PELI2: variants seen among roughly 807,000 people sequenced by gnomAD.
PELI2 encodes the protein E3 ubiquitin-protein ligase pellino homolog 2.
PELI2 carries 23 observed loss-of-function variants against 42.3 expected under a neutral mutation model. The observed-to-expected ratio is 0.54, with a 90% CI of 0.39 to 0.77. The LOEUF is 0.77. Ranked by LOEUF, PELI2 falls within the 30% of genes least tolerant of loss-of-function variation. PELI2 has a pLI of 0.00. For missense variants in PELI2, 463 were observed against 553.2 expected (o/e 0.84, Z 1.64); for synonymous variants, 245 against 212.2 (o/e 1.15, Z -1.34).
intron 1 of PELI2, among the ~76,000 whole-genome samples, chr14:56,161,326 T>A (rs1884758386): frequency 6.6e-6 from 1 of 152,068 alleles, no homozygotes; most frequent in South Asian, 2.1e-4. Context: ...GTGGTTGTTT[T>A]TGAAACAGTC....
rs1884397246 is a variant in PELI2, at chr14:56,152,449, G to A, written c.78-25886G>A. ...GGAAGATGGGAGGATGAGTATTGAG[G>A]GACAATTAACAGTCTGTTTATGAGA... On this transcript the variant is annotated intron_variant, in intron 1 of 5. Coordinates refer to ENST00000267460, the MANE Select transcript of PELI2 (RefSeq NM_021255.3). Among the ~76,000 whole-genome samples, 3 of 152,072 alleles carry A rather than the reference G, an allele frequency of 2.0e-5. No individual in the cohort carries two copies. In the South Asian group the frequency reaches 6.2e-4, roughly 32 times the overall value.
intron 1 of PELI2, among the ~76,000 whole-genome samples, chr14:56,126,003 C>T (rs2139578937): frequency 6.6e-6 from 1 of 152,340 alleles, no homozygotes; most frequent in Non-Finnish European, 1.5e-5. Flanking sequence ...GTTTTGTAAA[C>T]AATCCTACCA....
At chr14:56,227,617 T>G (rs1311882902) in intron 2 of PELI2, among the ~76,000 whole-genome samples, 1 of 124,834 alleles carries the variant, frequency 8.0e-6, no homozygotes, top group Non-Finnish European at 1.9e-5. Flanking sequence ...TAGACTTACA[T>G]GTAGTCTCTA....
Position 56,160,753 on chromosome 14 carries a change from G to A in PELI2, c.78-17582G>A, listed in dbSNP as rs144288791. Among the ~76,000 whole-genome samples, 232 of 152,288 alleles carry A rather than the reference G, an allele frequency of 1.5e-3. 1 individual carries two copies. The highest frequency in any genetic ancestry group is 5.4e-3 in the African/African-American group (224 of 41,538). ...AGTTGGATGAAACGCCTCCTGTATT[G>A]ATACTGAATTGAAATGTTTGAAAGA... On this transcript the variant is annotated intron_variant, in intron 1 of 5. Coordinates refer to ENST00000267460, the MANE Select transcript of PELI2 (RefSeq NM_021255.3).
Position 56,297,196 on chromosome 14 carries a change from A to C in PELI2, c.*30A>C. On this transcript the variant is annotated 3_prime_UTR_variant, in exon 6 of 6. Coordinates refer to ENST00000267460, the MANE Select transcript of PELI2 (RefSeq NM_021255.3). The stretch of plus-strand genomic sequence containing the variant: ...CTTGACAGCCATCTACGACTTTATT[A>C]ACAGGTTACTGTGAAGATTTTGCCA... The C allele has an allele frequency of 1.3e-6, 2 of 1,490,740 alleles. No homozygotes were observed. Among genetic ancestry groups the C allele is most frequent in the Non-Finnish European group, 1.8e-6 (2 of 1,093,062 alleles). 92.3% of individuals were successfully genotyped at this position (1,490,740 alleles called of 1,614,324 possible).
At chr14:56,284,607 A>G (rs1315399278) in intron 3 of PELI2, among the ~76,000 whole-genome samples, 1 of 143,838 alleles carries the variant, frequency 7.0e-6, no homozygotes, top group Non-Finnish European at 1.6e-5. Context: ...GATAACATTT[A>G]ATTAGTATCT....
chr14:56,268,239 G>A (rs138984667), intron 2 of PELI2, among the ~76,000 whole-genome samples: 82 of 152,214 alleles, frequency 5.4e-4, no homozygotes, highest in Middle Eastern at 3.4e-3. Flanking sequence ...TTAGTCATTC[G>A]CAGGATGCTT....
chr14:56,156,292 C>G (rs1884563177), intron 1 of PELI2, among the ~76,000 whole-genome samples: 1 of 151,978 alleles, frequency 6.6e-6, no homozygotes, highest in Non-Finnish European at 1.5e-5. Context: ...ATGCTTCAAC[C>G]CCAAGCAAAA....
chr14:56,157,456 T>C (rs2139633155), intron 1 of PELI2, among the ~76,000 whole-genome samples: 1 of 152,304 alleles, frequency 6.6e-6, no homozygotes, highest in South Asian at 2.1e-4. Flanking sequence ...AGCATCAATA[T>C]ACACAATGTA....
In PELI2 at chr14:56,201,543, T is replaced by G. The variant is rs887971582; in HGVS notation, c.207+23079T>G. 9.2e-5 allele frequency among the ~76,000 whole-genome samples: 14 copies of G among 152,344 alleles called. No homozygotes were observed. The East Asian group carries it at 2.7e-3, about 29-fold the overall frequency. ...CCATCGTTTTTAAGGGCCTACCACA[T>G]AGATGTTATTTTTGAGGAAATATTT... On this transcript the variant is annotated intron_variant, in intron 2 of 5. Transcript: ENST00000267460.
At position 56,252,935 on chromosome 14, in the gene PELI2, GA is replaced by G. The variant is rs1343620256; in HGVS notation, c.208-26739del. ...AAAATTTCAGGCCAGTATCCCTGAT[GA>G]ACATCTATGTGAAAATCCTCAGTAA... On this transcript the variant is annotated intron_variant, in intron 2 of 5. Coordinates refer to ENST00000267460, the MANE Select transcript of PELI2 (RefSeq NM_021255.3). 2.3e-4 allele frequency among the ~76,000 whole-genome samples: 35 copies of G among 152,180 alleles called. 1 individual carries two copies. The highest frequency in any genetic ancestry group is 2.3e-3 in the Admixed American group (35 of 15,280).
rs1477479045 is a variant in PELI2, at chr14:56,298,394, A to G, written c.*1228A>G. 1.3e-5 allele frequency: 2 copies of G among 152,410 alleles called. No homozygotes were observed. The allele number at this position is 152,410 out of a possible 1,614,324, so 9.4% of individuals were successfully genotyped here. On this transcript the variant is annotated 3_prime_UTR_variant, in exon 6 of 6. Coordinates refer to ENST00000267460, the MANE Select transcript of PELI2 (RefSeq NM_021255.3). ...GAGCTCCACCATTCCTGTTACTTTC[A>G]TTTCATTTTGATTAATAATTCTTGG...
chr14:56,260,074 A>T (rs1238860110), intron 2 of PELI2, among the ~76,000 whole-genome samples: 3 of 152,142 alleles, frequency 2.0e-5, no homozygotes, highest in Non-Finnish European at 4.4e-5. Flanking sequence ...TACATTCAGC[A>T]CTATTCCAAT....
At chr14:56,247,928 C>G (rs957295970) in intron 2 of PELI2, among the ~76,000 whole-genome samples, 1 of 152,114 alleles carries the variant, frequency 6.6e-6, no homozygotes, top group Non-Finnish European at 1.5e-5. Context: ...GAAATATAAA[C>G]GACAGATGTC....
chr14:56,140,824 C>G (rs924442522), intron 1 of PELI2, among the ~76,000 whole-genome samples: 1 of 152,040 alleles, frequency 6.6e-6, no homozygotes, highest in African/African-American at 2.4e-5. Context: ...TGGGGGGTGA[C>G]TTGGTATTAT....
At chr14:56,263,490 A>G (rs1409165987) in intron 2 of PELI2, among the ~76,000 whole-genome samples, 3 of 152,214 alleles carry the variant, frequency 2.0e-5, no homozygotes, top group Non-Finnish European at 4.4e-5. Flanking sequence ...TGATTGCCAC[A>G]GAATAGAATG....
chr14:56,282,035 T>C (rs935656929), intron 3 of PELI2, among the ~76,000 whole-genome samples: 1 of 152,206 alleles, frequency 6.6e-6, no homozygotes, highest in Non-Finnish European at 1.5e-5. Flanking sequence ...CTCTTTTCTT[T>C]GTAAAGCTCT....
chr14:56,164,563 T>A lies in PELI2; in HGVS notation c.78-13772T>A, dbSNP rs558150998. Among the ~76,000 whole-genome samples, 5 of 152,300 alleles carry A rather than the reference T, an allele frequency of 3.3e-5. No individual in the cohort carries two copies. The South Asian group carries it at 1.0e-3, about 32-fold the overall frequency. ...GGAAATATTGGCCTCATAGAATAAG[T>A]TTGGAAAGTATTCCCTCCTCTATTT... On this transcript the variant is annotated intron_variant, in intron 1 of 5. Coordinates refer to ENST00000267460, the MANE Select transcript of PELI2 (RefSeq NM_021255.3).
At chr14:56,291,657 G>T (rs148902739) in intron 5 of PELI2, among the ~76,000 whole-genome samples, 3 of 152,258 alleles carry the variant, frequency 2.0e-5, no homozygotes, top group Non-Finnish European at 4.4e-5. Flanking sequence ...ACCTAGATTG[G>T]CCAAACTGGT....
Sources: allele counts gnomAD v4.1 joint callset (sites outside exome capture counted in the v4.1 genomes callset), GRCh38; gene constraint gnomAD v4.1.1; transcripts MANE v1.5; gene names NCBI Gene and HGNC (gene_info 2026-07-23, HGNC 2026-07-21).